Variants in ATF7IP2 observed in about 807,000 individuals in gnomAD.
ATF7IP2 encodes activating transcription factor 7 interacting protein 2.
ATF7IP2 carries 42 observed loss-of-function variants against 64.2 expected under a neutral mutation model. That is an observed-to-expected ratio of 0.65 (90% CI 0.51 to 0.85). The LOEUF (loss-of-function observed/expected upper bound fraction) is 0.85, where lower values mean the gene tolerates loss of function less well. Among genes scored for constraint, ATF7IP2 ranks in the 40% least tolerant of loss-of-function variants. The pLI is 0.00. For synonymous variants in ATF7IP2, 308 were observed against 272.8 expected, an observed-to-expected ratio of 1.13 and a Z score of -1.27; for missense variants, 933 against 784.2, an observed-to-expected ratio of 1.19 and a Z score of -2.27.
At chr16:10,429,237 A>G (rs1026269582) in intron 4 of ATF7IP2, among the ~76,000 whole-genome samples, 1 of 152,224 alleles carries the variant, frequency 6.6e-6, no homozygotes, top group Non-Finnish European at 1.5e-5. Context: ...TGAAGAGACA[A>G]TCATATAATA....
intron 5 of ATF7IP2, 41 bp from the exon 6 acceptor site, chr16:10,433,484 C>T (rs1424194888): frequency 3.8e-6 from 6 of 1,576,326 alleles, no homozygotes; most frequent in African/African-American, 2.7e-5. Flanking sequence ...CTGTTTTTTT[C>T]TTTAAAATAT....
intron 9 of ATF7IP2, among the ~76,000 whole-genome samples, chr16:10,465,796 C>G (rs141932697): frequency 2.0e-5 from 3 of 151,886 alleles, no homozygotes; most frequent in African/African-American, 7.2e-5. Context: ...ATGAAAGTTT[C>G]ATATCATTAC....
In ATF7IP2 at chr16:10,480,135, G is replaced by A. The variant is rs537208675; in HGVS notation, c.1550-744G>A. Among the ~76,000 whole-genome samples the A allele has an allele frequency of 2.1e-4, 32 of 151,420 alleles. 1 individual carries two copies. Among genetic ancestry groups the A allele is most frequent in the South Asian group, 2.1e-4 (1 of 4,770 alleles). On this transcript the variant is annotated intron_variant, in intron 12 of 13. Coordinates refer to ENST00000562102, the MANE Select transcript of ATF7IP2 (RefSeq NM_001393719.1). ...CCCGAGTAGCTGGGACTACAGGCACGCGCCACCACACCCAGCTAATTTTGT... is the reference window on the plus strand; with the variant it reads ...CCCGAGTAGCTGGGACTACAGGCACACGCCACCACACCCAGCTAATTTTGT...
intron 1 of ATF7IP2, among the ~76,000 whole-genome samples, chr16:10,397,027 C>T (rs2047433303): frequency 1.3e-5 from 2 of 152,082 alleles, no homozygotes. Context: ...TGAGATACTG[C>T]CTAGTTTCTT....
rs1468360632 is a variant in ATF7IP2 at position 10,440,357 on chromosome 16, C to T, written c.1096-7C>T. On this transcript the variant is annotated splice_region_variant and splice_polypyrimidine_tract_variant and intron_variant, in intron 7 of 13. Coordinates refer to ENST00000562102, the MANE Select transcript of ATF7IP2 (RefSeq NM_001393719.1). Reference sequence around the variant, plus strand: ...TTAGTATTTATTTTTTTCTCTTTTTCTTCTAGGCAAAAATAGCAAAACTTC... The same window carrying T: ...TTAGTATTTATTTTTTTCTCTTTTTTTTCTAGGCAAAAATAGCAAAACTTC... The T allele has an allele frequency of 1.4e-6, 2 of 1,444,896 alleles. No individual in the cohort carries two copies. Among genetic ancestry groups the T allele is most frequent in the Non-Finnish European group, 9.4e-7 (1 of 1,062,886 alleles). The allele number at this position is 1,444,896 out of a possible 1,614,324, so 89.5% of individuals were successfully genotyped here.
chr16:10,407,277 G>C (rs746163214), intron 1 of ATF7IP2, among the ~76,000 whole-genome samples: 1 of 152,156 alleles, frequency 6.6e-6, no homozygotes, highest in Non-Finnish European at 1.5e-5. Flanking sequence ...CATCCTGAAT[G>C]GGGAAAATCT....
intron 3 of ATF7IP2, among the ~76,000 whole-genome samples, chr16:10,425,974 CAGATT>C (rs1317911261): frequency 2.0e-5 from 3 of 151,528 alleles, no homozygotes; most frequent in Non-Finnish European, 4.4e-5. Context: ...ATTAAAAGTA[CAGATT>C]AGATAATTTT....
intron 1 of ATF7IP2, among the ~76,000 whole-genome samples, chr16:10,397,779 C>T (rs1364491726): frequency 1.3e-5 from 2 of 151,204 alleles, no homozygotes; most frequent in Non-Finnish European, 2.9e-5. Flanking sequence ...ATTGCATGAG[C>T]CTGAGAGGTG....
At position 10,456,857 on chromosome 16, in the gene ATF7IP2, CA is replaced by C. The variant is rs533742841; in HGVS notation, c.1195-514del. Among the ~76,000 whole-genome samples the C allele has an allele frequency of 1.4e-3, 209 of 152,260 alleles. 1 individual carries two copies. The highest frequency in any genetic ancestry group is 2.4e-3 in the Non-Finnish European group (164 of 68,010). On this transcript the variant is annotated intron_variant, in intron 8 of 13. Coordinates refer to ENST00000562102, the MANE Select transcript of ATF7IP2 (RefSeq NM_001393719.1). ...CCATGGCACCTAGTGCATTTTTGTT[CA>C]TGCTGTCCTTGATCCTTTTGAATTA...
At chr16:10,423,072 G>A (rs111242768) in intron 3 of ATF7IP2, among the ~76,000 whole-genome samples, 1,760 of 152,208 alleles carry the variant, frequency 0.012, 27 homozygotes, top group Non-Finnish European at 0.014. Context: ...GTGGAACTTC[G>A]TCTCTACTAA....
chr16:10,475,872 A>G (rs1284486127), intron 12 of ATF7IP2, among the ~76,000 whole-genome samples: 2 of 152,158 alleles, frequency 1.3e-5, no homozygotes, highest in African/African-American at 4.8e-5. Flanking sequence ...CTGGAGAACA[A>G]TACAAGTCTC....
At chr16:10,393,641 G>A (rs1003217155) in intron 1 of ATF7IP2, among the ~76,000 whole-genome samples, 1 of 152,098 alleles carries the variant, frequency 6.6e-6, no homozygotes, top group Non-Finnish European at 1.5e-5. Context: ...TATGATGCTC[G>A]GTAGGTTAGT....
intron 9 of ATF7IP2, among the ~76,000 whole-genome samples, chr16:10,469,533 T>A (rs1337378613): frequency 6.6e-6 from 1 of 151,962 alleles, no homozygotes; most frequent in Non-Finnish European, 1.5e-5. Flanking sequence ...GGGAAAATTT[T>A]AAAAAGTAGC....
intron 1 of ATF7IP2, among the ~76,000 whole-genome samples, chr16:10,401,200 T>C (rs943034806): frequency 7.2e-5 from 11 of 152,202 alleles, no homozygotes; most frequent in African/African-American, 2.4e-4. Flanking sequence ...GGAGTTTTGT[T>C]CTTGTTGCCC....
chr16:10,457,191 G>GT (rs2049198739), intron 8 of ATF7IP2, 181 bp from the exon 9 acceptor site: 1 of 536,524 alleles, frequency 1.9e-6, no homozygotes, highest in African/African-American at 2.0e-5. Flanking sequence ...TTTCTTCGGA[G>GT]TTTTTAAAAA....
chr16:10,474,824 G>C lies in ATF7IP2; in HGVS notation c.1549+835G>C, dbSNP rs762976209. Among the ~76,000 whole-genome samples the C allele has an allele frequency of 4.6e-5, 7 of 152,214 alleles. No homozygotes were observed. The East Asian group carries it at 1.3e-3, about 29-fold the overall frequency. ...AAAGAATTCACAGGTTTCTAGGCTA[G>C]AACAATGCAAGCCAAAAGACAATTG... On this transcript the variant is annotated intron_variant, in intron 12 of 13. Coordinates refer to ENST00000562102, the MANE Select transcript of ATF7IP2 (RefSeq NM_001393719.1).
chr16:10,450,283 T>C (rs2141979424), intron 8 of ATF7IP2, among the ~76,000 whole-genome samples: 1 of 152,332 alleles, frequency 6.6e-6, no homozygotes, highest in South Asian at 2.1e-4. Flanking sequence ...GAGAAGAATG[T>C]ATATTCTATT....
intron 1 of ATF7IP2, among the ~76,000 whole-genome samples, chr16:10,397,294 G>T (rs1224398045): frequency 1.3e-5 from 2 of 152,060 alleles, no homozygotes; most frequent in African/African-American, 4.8e-5. Context: ...GCTTAAGATT[G>T]ATTTGGCTTT....
chr16:10,436,125 C>A (rs62025939), intron 6 of ATF7IP2, among the ~76,000 whole-genome samples: 2,131 of 152,256 alleles, frequency 0.014, 21 homozygotes, highest in Non-Finnish European at 0.023. Flanking sequence ...CTTTGGGAGG[C>A]CAAGTTGGGT....
Sources: gnomAD v4.1 joint callset for allele counts (sites outside exome capture counted in the v4.1 genomes callset) on GRCh38, gnomAD v4.1.1 for gene constraint, MANE v1.5 for transcripts, NCBI Gene and HGNC (gene_info 2026-07-23, HGNC 2026-07-21) for gene names.